The following BOC variants were observed in gnomAD, a reference collection of about 807,000 sequenced individuals.
BOC encodes the protein brother of CDO.
A neutral mutation model predicts 112.0 loss-of-function variants in BOC; 76 were observed. That is an observed-to-expected ratio of 0.68 (90% CI 0.56 to 0.82). The LOEUF (loss-of-function observed/expected upper bound fraction) is 0.82, where lower values mean the gene tolerates loss of function less well. Ranked by LOEUF, BOC falls within the 40% of genes least tolerant of loss-of-function variation. The pLI is 0.00. For synonymous variants in BOC, 580 were observed against 599.8 expected (o/e 0.97, Z 0.48); for missense variants, 1,309 against 1,511.7 (o/e 0.87, Z 2.22).
intron 2 of BOC, among the ~76,000 whole-genome samples, chr3:113,216,830 G>A (rs1939478593): frequency 6.6e-6 from 1 of 152,176 alleles, no homozygotes; most frequent in Non-Finnish European, 1.5e-5. Flanking sequence ...GAAAGACACA[G>A]TTAACCTAAT....
chr3:113,246,087 G>A (rs1027591137), intron 2 of BOC, among the ~76,000 whole-genome samples: 1 of 152,226 alleles, frequency 6.6e-6, no homozygotes, highest in Non-Finnish European at 1.5e-5. Flanking sequence ...TAACCCCAGA[G>A]TGTGTTTTGT....
At chr3:113,279,676 G>A in intron 12 of BOC, 148 bp from the exon 13 acceptor site, 2 of 870,498 alleles carry the variant, frequency 2.3e-6, no homozygotes, top group South Asian at 1.8e-5. Context: ...AGCTCTGACA[G>A]TGGCGGGTGT....
intron 4 of BOC, among the ~76,000 whole-genome samples, chr3:113,259,833 T>G (rs2107521924): frequency 6.6e-6 from 1 of 152,328 alleles, no homozygotes; most frequent in African/African-American, 2.4e-5. Flanking sequence ...TTACAGCCTT[T>G]CCCTCAGGCC....
intron 14 of BOC, 129 bp downstream of exon 14, chr3:113,280,792 C>T (rs913091990): frequency 2.4e-5 from 21 of 884,788 alleles, no homozygotes; most frequent in Admixed American, 2.0e-5. Context: ...CTCTAAGCTC[C>T]GTGTCATTGA....
rs966928168 is a variant in BOC, at chr3:113,276,618, C to T, written c.1543-1477C>T. Among the ~76,000 whole-genome samples, 10 of 152,330 alleles carry T rather than the reference C, an allele frequency of 6.6e-5. No homozygotes were observed. In the East Asian group the frequency reaches 1.9e-3, roughly 29 times the overall value. ...CATTCGGGCTGTGTTTTTTCATCCCCCTTCTCTTGCTGGGGATTGGGAATC... is the reference window on the plus strand; with the variant it reads ...CATTCGGGCTGTGTTTTTTCATCCCTCTTCTCTTGCTGGGGATTGGGAATC... On this transcript the variant is annotated intron_variant, in intron 9 of 19. Transcript: ENST00000682979.
chr3:113,280,745 T>C, intron 14 of BOC, 82 bp downstream of exon 14: 2 of 1,197,644 alleles, frequency 1.7e-6, no homozygotes, highest in Non-Finnish European at 2.5e-6. Flanking sequence ...TGGTGAAATC[T>C]GGTGAAGCAT....
chr3:113,282,163 T>A lies in BOC; in HGVS notation c.2434+1010T>A, dbSNP rs549209640. 2.6e-5 allele frequency among the ~76,000 whole-genome samples: 4 copies of A among 151,910 alleles called. No individual in the cohort carries two copies. The East Asian group carries it at 5.8e-4, about 22-fold the overall frequency. ...AGGAAAGAGGCCACTGAGGATGGTGTGAGATGAGCCGGTGCAGCCAGGGAG... is the reference window on the plus strand; with the variant it reads ...AGGAAAGAGGCCACTGAGGATGGTGAGAGATGAGCCGGTGCAGCCAGGGAG... On this transcript the variant is annotated intron_variant, in intron 15 of 19. Transcript: ENST00000682979.
chr3:113,252,289 G>T (rs1337636083), intron 4 of BOC, among the ~76,000 whole-genome samples: 4 of 152,154 alleles, frequency 2.6e-5, no homozygotes, highest in African/African-American at 9.7e-5. Context: ...GATTTCCAGG[G>T]CTTGTTCCCT....
intron 2 of BOC, among the ~76,000 whole-genome samples, chr3:113,225,870 A>T (rs1941575372): frequency 6.6e-6 from 1 of 152,244 alleles, no homozygotes; most frequent in South Asian, 2.1e-4. Context: ...GTTTACCTGG[A>T]GAGGCAGATG....
chr3:113,218,460 T>C (rs952296432), intron 2 of BOC, among the ~76,000 whole-genome samples: 2 of 152,196 alleles, frequency 1.3e-5, no homozygotes, highest in African/African-American at 4.8e-5. Context: ...TATCATTTCA[T>C]AGTGGTGTGA....
At chr3:113,212,545 T>G (rs1938403682) in intron 1 of BOC, 1 of 152,072 alleles carries the variant, frequency 6.6e-6, no homozygotes, top group Non-Finnish European at 1.5e-5. Flanking sequence ...ATAGTTGGCG[T>G]CTTCTAAAGG....
At chr3:113,226,665 C>G (rs1941711993) in intron 2 of BOC, among the ~76,000 whole-genome samples, 1 of 152,024 alleles carries the variant, frequency 6.6e-6, no homozygotes, top group African/African-American at 2.4e-5. Context: ...GTAGTGAGAC[C>G]TCATTTCTGT....
intron 1 of BOC, among the ~76,000 whole-genome samples, chr3:113,215,774 C>T (rs1008410170): frequency 6.6e-6 from 1 of 152,224 alleles, no homozygotes; most frequent in African/African-American, 2.4e-5. Context: ...GCCACCTTCT[C>T]CAATCTAGCA....
intron 2 of BOC, among the ~76,000 whole-genome samples, chr3:113,218,897 G>C (rs1394888227): frequency 6.6e-6 from 1 of 152,176 alleles, no homozygotes; most frequent in African/African-American, 2.4e-5. Flanking sequence ...GAAGGGGGGT[G>C]GGGGAGCTCA....
rs369262313 is a variant in BOC, at chr3:113,285,421, G to A, written c.3016G>A (p.Asp1006Asn). Residue 1006 changes from aspartate to asparagine, a missense_variant, in exon 19 of 20, where the codon GAC (aspartate) becomes AAC (asparagine). By Grantham distance (23) the Asp-to-Asn change is conservative. Coordinates refer to ENST00000682979, the MANE Select transcript of BOC (RefSeq NM_001378074.1). Reference sequence around the variant, plus strand: ...GGGCTCTTTCTTATACACACTGCCCGACGACTCCACTCACCAGCTGCTGCA... The same window carrying A: ...GGGCTCTTTCTTATACACACTGCCCAACGACTCCACTCACCAGCTGCTGCA... ...DEGSFLYTLP[D>N]DSTHQLLQPH... 3.2e-5 allele frequency: 51 copies of A among 1,613,698 alleles called. No individual in the cohort carries two copies. Among genetic ancestry groups the A allele is most frequent in the African/African-American group, 2.0e-4 (15 of 74,912 alleles).
chr3:113,285,318 C>A, intron 18 of BOC, 54 bp from the exon 19 acceptor site: 1 of 1,568,230 alleles, frequency 6.4e-7, no homozygotes. Context: ...GGGGATGGGG[C>A]GACAGGCCCA....
At chr3:113,246,070 T>C (rs1198592060) in intron 2 of BOC, among the ~76,000 whole-genome samples, 3 of 152,234 alleles carry the variant, frequency 2.0e-5, no homozygotes, top group Non-Finnish European at 4.4e-5. Flanking sequence ...TTTCTCAGGA[T>C]TGGTCTTAAC....
At chr3:113,214,456 G>A (rs1532593) in intron 1 of BOC, among the ~76,000 whole-genome samples, 80,285 of 152,084 alleles carry the variant, frequency 0.53, 22,548 homozygotes, top group Middle Eastern at 0.7. Context: ...AGGGGGTCTG[G>A]GTTCAAATTT....
chr3:113,213,497 T>C (rs990820592), intron 1 of BOC, among the ~76,000 whole-genome samples: 2 of 152,212 alleles, frequency 1.3e-5, no homozygotes, highest in African/African-American at 2.4e-5. Context: ...AAATCAATCT[T>C]CGTTTTCTTA....
Sources: gnomAD v4.1 joint callset for allele counts (sites outside exome capture counted in the v4.1 genomes callset) on GRCh38, gnomAD v4.1.1 for gene constraint, MANE v1.5 for transcripts, NCBI Gene and HGNC (gene_info 2026-07-23, HGNC 2026-07-21) for gene names.